FUT8: variants seen among roughly 807,000 people sequenced by gnomAD.
FUT8 encodes alpha-(1,6)-fucosyltransferase.
In FUT8, 29 loss-of-function variants were observed where a neutral mutation model predicts 71.3. That is an observed-to-expected ratio of 0.41 (90% CI 0.30 to 0.55). The LOEUF is 0.55. Ranked by LOEUF, FUT8 falls within the 20% of genes least tolerant of loss-of-function variation. The pLI is 0.34. For synonymous variants in FUT8, 254 were observed against 239.3 expected (o/e 1.06, Z -0.57); for missense variants, 544 against 702.1 (o/e 0.77, Z 2.55).
Position 65,554,426 on chromosome 14 carries a change from A to G in FUT8, c.-227-6911A>G, listed in dbSNP as rs991076915. ...GTTTTTTTTTTAACTATATATCTAT[A>G]TATATATTATATATATATATTTATA... On this transcript the variant is annotated intron_variant, in intron 2 of 10. Coordinates refer to ENST00000673929, the MANE Select transcript of FUT8 (RefSeq NM_001371533.1). Among the ~76,000 whole-genome samples the G allele has an allele frequency of 1.8e-4, 16 of 89,784 alleles. No individual in the cohort carries two copies. In the South Asian group the frequency reaches 3.5e-3, roughly 20 times the overall value. The allele number at this position is 89,784 out of a possible 152,430, so 58.9% of individuals were successfully genotyped here. A position where few individuals can be genotyped will look rare whatever the true frequency, so the allele number is the denominator to read the frequency against.
chr14:65,609,396 T>C (rs72716412), intron 3 of FUT8, among the ~76,000 whole-genome samples: 4,186 of 151,986 alleles, frequency 0.028, 141 homozygotes, highest in Non-Finnish European at 0.043. Context: ...TGAAATCCAG[T>C]TTATCAATTT....
intron 2 of FUT8, among the ~76,000 whole-genome samples, chr14:65,494,791 G>C (rs1189340011): frequency 6.6e-6 from 1 of 151,932 alleles, no homozygotes; most frequent in Non-Finnish European, 1.5e-5. Context: ...AGAAAAAAAA[G>C]TAAGGTTCTG....
At chr14:65,384,838 A>C in the FUT8 span, among the ~76,000 whole-genome samples, 20,297 of 151,484 alleles carry the variant, frequency 0.13, 2,000 homozygotes, top group East Asian at 0.54. The surrounding 1 kb of genome is among the most constrained non-coding windows in gnomAD (Gnocchi z 4.2). Context: ...CTTGGTTCTA[A>C]TTCCACTTCT....
intron 9 of FUT8, among the ~76,000 whole-genome samples, chr14:65,729,806 G>GT (rs1895881333): frequency 6.6e-6 from 1 of 152,124 alleles, no homozygotes; most frequent in Non-Finnish European, 1.5e-5. Context: ...TTTCCTCCTT[G>GT]TAGCCAACAG....
At chr14:65,728,587 T>C (rs1230677206) in intron 9 of FUT8, among the ~76,000 whole-genome samples, 2 of 152,244 alleles carry the variant, frequency 1.3e-5, no homozygotes, top group African/African-American at 2.4e-5. Flanking sequence ...AATACAGTCA[T>C]GTACCACATA....
chr14:65,396,483 TC>T, the FUT8 span, among the ~76,000 whole-genome samples: 1 of 152,208 alleles, frequency 6.6e-6, no homozygotes, highest in African/African-American at 2.4e-5. This position sits in a 1 kb window ranked among gnomAD's most constrained non-coding sequence, Gnocchi z 5.5. Flanking sequence ...AAACGGGGTT[TC>T]CCCTTATAAA....
At chr14:65,498,176 G>T (rs1381588560) in intron 2 of FUT8, among the ~76,000 whole-genome samples, 2 of 152,254 alleles carry the variant, frequency 1.3e-5, no homozygotes, top group East Asian at 3.9e-4. Flanking sequence ...TTCCTGGGAA[G>T]TCTCACTCGA....
intron 1 of FUT8, among the ~76,000 whole-genome samples, chr14:65,454,742 G>A (rs909404952): frequency 3.3e-5 from 5 of 152,090 alleles, no homozygotes; most frequent in Non-Finnish European, 7.4e-5. Flanking sequence ...ACTGTTCTTG[G>A]GTTTTTGTAC....
At chr14:65,403,337 G>T in the FUT8 span, among the ~76,000 whole-genome samples, 2 of 152,212 alleles carry the variant, frequency 1.3e-5, no homozygotes, top group South Asian at 4.1e-4. Context: ...TAATTGGTGA[G>T]CAAGGATTCA....
chr14:65,412,024 C>T (rs578017401), upstream of FUT8: 1 of 456,632 alleles, frequency 2.2e-6, no homozygotes, highest in South Asian at 1.5e-5. Flanking sequence ...AAGCCTCTCC[C>T]CTCTCCCCGT....
chr14:65,565,998 A>G (rs940141784), intron 3 of FUT8, among the ~76,000 whole-genome samples: 4 of 151,918 alleles, frequency 2.6e-5, no homozygotes, highest in African/African-American at 7.2e-5. Context: ...TAAAACAATC[A>G]TTTATTTGCT....
chr14:65,415,622 T>C (rs183674860), intron 1 of FUT8, among the ~76,000 whole-genome samples: 2 of 152,092 alleles, frequency 1.3e-5, no homozygotes, highest in East Asian at 1.9e-4. Flanking sequence ...TAGAATCTTA[T>C]ATGGGCGAAG....
intron 2 of FUT8, among the ~76,000 whole-genome samples, chr14:65,466,255 G>A (rs958456877): frequency 6.6e-6 from 1 of 152,162 alleles, no homozygotes; most frequent in Non-Finnish European, 1.5e-5. Context: ...TTTAACTGGT[G>A]TATTTAGACC....
chr14:65,531,104 G>A (rs759287652), intron 2 of FUT8, among the ~76,000 whole-genome samples: 5 of 151,268 alleles, frequency 3.3e-5, no homozygotes, highest in African/African-American at 7.3e-5. Context: ...GAAATTGTAA[G>A]CAGAATGCTA....
intron 2 of FUT8, among the ~76,000 whole-genome samples, chr14:65,469,691 C>T (rs1230841168): frequency 1.2e-4 from 18 of 152,250 alleles, no homozygotes; most frequent in Non-Finnish European, 2.9e-5. Context: ...GAGAGGAGGC[C>T]CTGGAGTGAG....
rs1170619331 is a variant in FUT8 at position 65,724,114 on chromosome 14, A to T, written c.1083-33A>T. ...TACCCTCAAAGCACCCAGTGTCAGT[A>T]CATTACCAGTAGAATCTGAATTTCT... On this transcript the variant is annotated intron_variant, in intron 8 of 10. Transcript: ENST00000673929. 3.9e-6 allele frequency: 6 copies of T among 1,520,926 alleles called. No individual in the cohort carries two copies. In the Admixed American group the frequency reaches 1.1e-4, roughly 27 times the overall value. The allele number at this position is 1,520,926 out of a possible 1,614,324, so 94.2% of individuals were successfully genotyped here.
At chr14:65,477,205 T>G (rs537602538) in intron 2 of FUT8, among the ~76,000 whole-genome samples, 2 of 152,332 alleles carry the variant, frequency 1.3e-5, no homozygotes, top group East Asian at 3.9e-4. Context: ...TGTGCAACCT[T>G]GAATAGTAAC....
the FUT8 span, among the ~76,000 whole-genome samples, chr14:65,365,375 A>G: frequency 2.0e-5 from 3 of 151,756 alleles, no homozygotes; most frequent in South Asian, 6.3e-4. Context: ...CATTTAACAA[A>G]TAATTATTGA....
intron 7 of FUT8, among the ~76,000 whole-genome samples, chr14:65,677,153 C>CGTGT (rs1555383287): frequency 1.1e-4 from 7 of 64,714 alleles, no homozygotes; most frequent in African/African-American, 4.1e-4. Flanking sequence ...TGTGTGTGTG[C>CGTGT]GCGCGCGCAT....
Sources: allele counts gnomAD v4.1 joint callset (sites outside exome capture counted in the v4.1 genomes callset), GRCh38; gene constraint gnomAD v4.1.1; non-coding constraint Gnocchi (gnomAD v3.1); transcripts MANE v1.5; gene names NCBI Gene and HGNC (gene_info 2026-07-23, HGNC 2026-07-21).